FHIT: variants seen among roughly 807,000 people sequenced by gnomAD.
FHIT encodes the protein fragile histidine triad diadenosine triphosphatase.
A neutral mutation model predicts 17.9 loss-of-function variants in FHIT; 19 were observed. The observed-to-expected ratio is 1.06, with a 90% confidence interval of 0.74 to 1.56. The LOEUF is 1.56. FHIT is among the 40% of genes most tolerant of loss of function. FHIT has a pLI of 0.00. For missense variants in FHIT, 248 were observed against 189.2 expected (o/e 1.31, Z -1.82); for synonymous variants, 81 against 69.7 (o/e 1.16, Z -0.81).
At chr3:61,106,739 C>T (rs2036001168) in intron 2 of FHIT, among the ~76,000 whole-genome samples, 1 of 152,140 alleles carries the variant, frequency 6.6e-6, no homozygotes, top group Non-Finnish European at 1.5e-5. Flanking sequence ...CAGCTCACTG[C>T]AACCTCCACC....
chr3:60,450,892 A>G (rs565150285), intron 5 of FHIT, among the ~76,000 whole-genome samples: 21 of 152,318 alleles, frequency 1.4e-4, no homozygotes, highest in Admixed American at 1.4e-3. Flanking sequence ...AGGTCCATAT[A>G]GAGAATAAAT....
chr3:61,166,158 C>T (rs1219180218), intron 2 of FHIT, among the ~76,000 whole-genome samples: 1 of 152,030 alleles, frequency 6.6e-6, no homozygotes, highest in Non-Finnish European at 1.5e-5. Context: ...AATATACTAA[C>T]TTAGATAGGT....
intron 2 of FHIT, among the ~76,000 whole-genome samples, chr3:61,052,412 G>T (rs994668070): frequency 6.6e-6 from 1 of 152,068 alleles, no homozygotes; most frequent in African/African-American, 2.4e-5. Context: ...TCACACCCAC[G>T]GCTATGAAAA....
At chr3:60,355,377 C>G (rs908667388) in intron 5 of FHIT, among the ~76,000 whole-genome samples, 1 of 151,906 alleles carries the variant, frequency 6.6e-6, no homozygotes, top group African/African-American at 2.4e-5. Context: ...ATGACTTCTT[C>G]TTATCTAATC....
At position 60,732,615 on chromosome 3, in the gene FHIT, A is replaced by G. The variant is rs1387771338; in HGVS notation, c.-18+89304T>C. The G allele has an allele frequency of 1.5e-5, 8 of 537,324 alleles. No homozygotes were observed. The African/African-American group carries it at 1.5e-4, about 10-fold the overall frequency. The allele number at this position is 537,324 out of a possible 1,614,324, so 33.3% of individuals were successfully genotyped here. A position where few individuals can be genotyped will look rare whatever the true frequency, so the allele number is the denominator to read the frequency against. On this transcript the variant is annotated intron_variant, in intron 4 of 9. Transcript: ENST00000492590. ...GGCTCCGTGTCAATGGCAATGTGGAAGTACACGGTGGGGTTGACCATGGCT... is the reference window on the plus strand; with the variant it reads ...GGCTCCGTGTCAATGGCAATGTGGAGGTACACGGTGGGGTTGACCATGGCT...
At chr3:60,777,727 T>C (rs11923137) in intron 4 of FHIT, among the ~76,000 whole-genome samples, 58,385 of 152,046 alleles carry the variant, frequency 0.38, 11,830 homozygotes, top group African/African-American at 0.44. Context: ...TTTTTTTCCT[T>C]GTTATGCCAC....
chr3:60,700,118 G>A (rs570734875), intron 4 of FHIT, among the ~76,000 whole-genome samples: 20 of 121,836 alleles, frequency 1.6e-4, no homozygotes, highest in South Asian at 1.5e-3. Flanking sequence ...GCAGCAGAGC[G>A]AGAGTCTGTC....
Position 60,553,354 on chromosome 3 carries a change from T to C in FHIT, c.-17-16375A>G, listed in dbSNP as rs541973040. 1.1e-3 allele frequency: 1,092 copies of C among 972,782 alleles called. 9 individuals are homozygous for C. The South Asian group carries it at 0.023, about 20-fold the overall frequency. The allele number at this position is 972,782 out of a possible 1,614,324, so 60.3% of individuals were successfully genotyped here. On this transcript the variant is annotated intron_variant, in intron 4 of 9. Coordinates refer to ENST00000492590, the MANE Select transcript of FHIT (RefSeq NM_002012.4). ...CCTATGACTCAAGTGAGGACTTGTGTTTTTACGTAATGTGAATCAGCAACC... is the reference window on the plus strand; with the variant it reads ...CCTATGACTCAAGTGAGGACTTGTGCTTTTACGTAATGTGAATCAGCAACC...
At position 60,735,056 on chromosome 3, in the gene FHIT, C is replaced by A. The variant is rs544946154; in HGVS notation, c.-18+86863G>T. 5.5e-4 allele frequency among the ~76,000 whole-genome samples: 83 copies of A among 152,178 alleles called. 2 individuals carry two copies. In the South Asian group the frequency reaches 0.015, roughly 28 times the overall value. ...GCCAATTACCTTTAACTATAAGAAA[C>A]CTTATTTGCATTTATTAAAACAAAT... is the stretch of plus-strand genomic sequence containing the variant. On this transcript the variant is annotated intron_variant, in intron 4 of 9. Coordinates refer to ENST00000492590, the MANE Select transcript of FHIT (RefSeq NM_002012.4).
At chr3:60,459,762 A>C (rs1185299141) in intron 5 of FHIT, among the ~76,000 whole-genome samples, 1 of 152,236 alleles carries the variant, frequency 6.6e-6, no homozygotes, top group Non-Finnish European at 1.5e-5. Context: ...TTACTTAATT[A>C]ATTTTAAGGC....
intron 5 of FHIT, among the ~76,000 whole-genome samples, chr3:60,055,791 C>T (rs953336923): frequency 6.6e-6 from 1 of 152,140 alleles, no homozygotes; most frequent in African/African-American, 2.4e-5. Flanking sequence ...CTTAGAGGAA[C>T]GGGAAGGCTA....
chr3:60,519,442 T>C lies in FHIT; in HGVS notation c.103+17418A>G, dbSNP rs192213970. ...GATCCTGTACCACTCCCCATCTGCATAGTTGAAAATTCACATGTAACTTAA... is the reference window on the plus strand; with the variant it reads ...GATCCTGTACCACTCCCCATCTGCACAGTTGAAAATTCACATGTAACTTAA... On this transcript the variant is annotated intron_variant, in intron 5 of 9. Transcript: ENST00000492590. Among the ~76,000 whole-genome samples, 331 of 152,330 alleles carry C rather than the reference T, an allele frequency of 2.2e-3. 5 individuals carry two copies. The highest frequency in any genetic ancestry group is 7.5e-3 in the African/African-American group (310 of 41,582).
At chr3:60,428,469 G>A (rs946394796) in intron 5 of FHIT, among the ~76,000 whole-genome samples, 2 of 152,104 alleles carry the variant, frequency 1.3e-5, no homozygotes, top group African/African-American at 4.8e-5. Context: ...CTACTTGGTA[G>A]CTTCATCAGA....
chr3:60,009,122 C>A (rs935322527), intron 7 of FHIT, among the ~76,000 whole-genome samples: 1 of 148,144 alleles, frequency 6.8e-6, no homozygotes, highest in Non-Finnish European at 1.5e-5. Flanking sequence ...GATACTTTGT[C>A]TAAAAGGACA....
intron 2 of FHIT, among the ~76,000 whole-genome samples, chr3:61,112,340 C>G (rs1378676315): frequency 6.6e-6 from 1 of 151,736 alleles, no homozygotes; most frequent in Non-Finnish European, 1.5e-5. Flanking sequence ...GAGACCACCC[C>G]CAGAAAGACA....
intron 5 of FHIT, among the ~76,000 whole-genome samples, chr3:60,206,650 A>G (rs1703206297): frequency 6.6e-6 from 1 of 152,194 alleles, no homozygotes; most frequent in Admixed American, 6.5e-5. Context: ...TAGCTTAATT[A>G]TTTAAAGAAT....
intron 5 of FHIT, among the ~76,000 whole-genome samples, chr3:60,250,438 A>T (rs112833353): frequency 0.011 from 1,681 of 152,196 alleles, 23 homozygotes; most frequent in Non-Finnish European, 0.017. Flanking sequence ...GTTCCTAAGG[A>T]CCCCCTCGGC....
At chr3:60,495,616 C>G (rs1024368151) in intron 5 of FHIT, among the ~76,000 whole-genome samples, 3 of 151,896 alleles carry the variant, frequency 2.0e-5, no homozygotes, top group African/African-American at 7.3e-5. Flanking sequence ...GTGTTCATAA[C>G]TGGGGATATC....
chr3:59,759,061 T>C (rs1161123602), intron 8 of FHIT, among the ~76,000 whole-genome samples: 2 of 151,998 alleles, frequency 1.3e-5, no homozygotes, highest in African/African-American at 4.8e-5. Context: ...TCACTGAAGA[T>C]GTAGCATATA....
Sources: gnomAD v4.1 joint callset for allele counts (sites outside exome capture counted in the v4.1 genomes callset) on GRCh38, gnomAD v4.1.1 for gene constraint, MANE v1.5 for transcripts, NCBI Gene and HGNC (gene_info 2026-07-23, HGNC 2026-07-21) for gene names.